PTRH1: variants seen among roughly 807,000 people sequenced by gnomAD.
PTRH1 encodes the protein peptidyl-tRNA hydrolase 1 homolog.
A neutral mutation model predicts 15.7 loss-of-function variants in PTRH1; 13 were observed. That is an observed-to-expected ratio of 0.83 (90% CI 0.54 to 1.31). PTRH1 has a LOEUF of 1.31. Ranked by LOEUF, PTRH1 falls within the 40% of genes most tolerant of loss-of-function variation. The pLI is 0.00. For synonymous variants in PTRH1, 139 were observed against 136.7 expected, an observed-to-expected ratio of 1.02 and a Z score of -0.12; for missense variants, 319 against 296.2, an observed-to-expected ratio of 1.08 and a Z score of -0.56.
chr9:127,707,001 C>G, intron 1 of PTRH1: 1 of 1,610,740 alleles, frequency 6.2e-7, no homozygotes, highest in South Asian at 1.1e-5. Flanking sequence ...TGGCCTCTTC[C>G]TGGGGCCTGG....
At chr9:127,703,481 G>A (rs1842619383) in intron 1 of PTRH1, among the ~76,000 whole-genome samples, 1 of 151,936 alleles carries the variant, frequency 6.6e-6, no homozygotes. Flanking sequence ...AAGAGAGAGA[G>A]GGAAAGAGAG....
At chr9:127,699,114 T>C (rs1842584524) in intron 1 of PTRH1, among the ~76,000 whole-genome samples, 1 of 152,166 alleles carries the variant, frequency 6.6e-6, no homozygotes, top group Admixed American at 6.5e-5. Flanking sequence ...ACTCATGACC[T>C]CAAGTCATCC....
At chr9:127,703,830 C>G (rs1221783355) in intron 1 of PTRH1, among the ~76,000 whole-genome samples, 1 of 152,192 alleles carries the variant, frequency 6.6e-6, no homozygotes, top group Admixed American at 6.5e-5. Context: ...CGGCAGGGCC[C>G]AAGCATTCTC....
intron 2 of PTRH1, among the ~76,000 whole-genome samples, chr9:127,694,270 G>T (rs774996808): frequency 6.6e-6 from 1 of 152,058 alleles, no homozygotes; most frequent in Non-Finnish European, 1.5e-5. Flanking sequence ...CAAACAGAAG[G>T]CTTTGGAACG....
At chr9:127,713,319 G>C (rs1418343359), downstream of PTRH1, 3 of 820,888 alleles carry the variant, frequency 3.7e-6, no homozygotes, top group Non-Finnish European at 5.5e-6. Context: ...AGATCTCTCT[G>C]AGCCTTCCCA....
At chr9:127,700,904 T>G (rs116936963) in intron 1 of PTRH1, among the ~76,000 whole-genome samples, 2,415 of 152,340 alleles carry the variant, frequency 0.016, 29 homozygotes, top group Middle Eastern at 0.041. Flanking sequence ...ATGAACTGGC[T>G]CTGGCCAATT....
At chr9:127,711,617 G>A (rs531846800), downstream of PTRH1, 2 of 1,316,140 alleles carry the variant, frequency 1.5e-6, no homozygotes, top group Admixed American at 2.3e-5. Context: ...GCAGAGAGAG[G>A]ACTGGGCCTC....
Position 127,715,136 on chromosome 9 carries a change from A to G in PTRH1, c.155T>C (p.Val52Ala), listed in dbSNP as rs753301562. The G allele has an allele frequency of 6.5e-7, 1 of 1,537,126 alleles. No homozygotes were observed. Among genetic ancestry groups the G allele is most frequent in the Non-Finnish European group, 8.7e-7 (1 of 1,147,348 alleles). Residue 52 changes from valine to alanine, a missense_variant, in exon 2 of 5, where the codon GTG becomes GCG. Physicochemically the swap from Val to Ala is moderately conservative, Grantham distance 64. Transcript: ENST00000543175. The surrounding 1 kb of genome is among the most constrained non-coding windows in gnomAD (Gnocchi z 5.8). ...PGTRHSVGMA[V>A]LGQLARRLGV... Reference sequence around the variant, plus strand: ...CAGCCGCCGCGCCAGCTGCCCCAGCACCGCCATGCCCACGCTGTGTCGCGT... The same window carrying G: ...CAGCCGCCGCGCCAGCTGCCCCAGCGCCGCCATGCCCACGCTGTGTCGCGT...
At position 127,714,598 on chromosome 9, in the gene PTRH1, C is replaced by T. The variant is rs368797000; in HGVS notation, c.416+5G>A. The T allele has an allele frequency of 4.0e-5, 65 of 1,613,376 alleles. No homozygotes were observed. In the African/African-American group the frequency reaches 7.7e-4, roughly 19 times the overall value. On this transcript the variant is annotated splice_donor_5th_base_variant and intron_variant, in intron 3 of 4. Transcript: ENST00000543175. ...ATCCCAACCCTGACCATCTCAGGAC[C>T]TCACCTGGCACTGCCCCCCAGCTTC... is the stretch of plus-strand genomic sequence containing the variant.
At chr9:127,711,017 T>C (rs1452526743), downstream of PTRH1, among the ~76,000 whole-genome samples, 1 of 152,178 alleles carries the variant, frequency 6.6e-6, no homozygotes. Flanking sequence ...TAAATCATGT[T>C]ACTTAACAGG....
chr9:127,714,262 C>G lies in PTRH1; in HGVS notation c.483G>C (p.Val161=). 2 of 1,613,934 alleles carry G rather than the reference C, an allele frequency of 1.2e-6. No individual in the cohort carries two copies. The highest frequency in any genetic ancestry group is 2.2e-5 in the South Asian group (2 of 91,080). ...LNSNAMPRLR[V]GIGRPAHPEA... is the part of the protein sequence containing the mutation. Reference sequence around the variant, plus strand: ...CAGGGTGCGCCGGGCGCCCGATACCCACCCGCAGCCTTGGCATTGCCTGTG... The same window carrying G: ...CAGGGTGCGCCGGGCGCCCGATACCGACCCGCAGCCTTGGCATTGCCTGTG... The change falls in exon 5 of 5, where the codon GTG becomes GTC. Residue 161 remains valine, a synonymous_variant. Transcript: ENST00000543175.
Position 127,714,293 on chromosome 9 carries a change from G to A in PTRH1, c.463-11C>T, listed in dbSNP as rs369413361. 29 of 1,613,978 alleles carry A rather than the reference G, an allele frequency of 1.8e-5. No individual in the cohort carries two copies. The African/African-American group carries it at 3.2e-4, about 18-fold the overall frequency. On this transcript the variant is annotated splice_polypyrimidine_tract_variant and intron_variant, in intron 4 of 4. Coordinates refer to ENST00000543175, the MANE Select transcript of PTRH1 (RefSeq NM_001002913.3). ...CAGCCTTGGCATTGCCTGTGGGAGA[G>A]CCAGAGAGGCCCAGGAAGCTTTGGC... is the stretch of plus-strand genomic sequence containing the variant.
chr9:127,709,319 T>C, downstream of PTRH1: 1 of 1,239,466 alleles, frequency 8.1e-7, no homozygotes, highest in Non-Finnish European at 1.1e-6. The surrounding 1 kb of genome is among the most constrained non-coding windows in gnomAD (Gnocchi z 4.7). Context: ...GAAACTCAAA[T>C]GCCCCTTTAC....
At chr9:127,694,897 T>C in intron 2 of PTRH1, 1 of 682,984 alleles carries the variant, frequency 1.5e-6, no homozygotes, top group Non-Finnish European at 2.7e-6. Context: ...GCCAGAGTGG[T>C]TAGGAGCACA....
chr9:127,707,325 G>C, intron 1 of PTRH1: 2 of 892,902 alleles, frequency 2.2e-6, no homozygotes, highest in East Asian at 2.7e-5. Context: ...ACCCCATCCC[G>C]ACCCCAGCCT....
chr9:127,704,003 G>T (rs934029027), intron 1 of PTRH1, among the ~76,000 whole-genome samples: 4 of 152,184 alleles, frequency 2.6e-5, no homozygotes, highest in Non-Finnish European at 4.4e-5. Context: ...CTCCCAGGGC[G>T]AAATGAAGAG....
In PTRH1 at chr9:127,705,419, C is replaced by T. The variant is rs1842636794; in HGVS notation, c.205+10016G>A. Reference sequence around the variant, plus strand: ...CTCTCCCTCCACCCTGCAGCGTCCCCTCCCTGCCTAGAAGTTCAGCTCGTC... The same window carrying T: ...CTCTCCCTCCACCCTGCAGCGTCCCTTCCCTGCCTAGAAGTTCAGCTCGTC... On this transcript the variant is annotated intron_variant, in intron 1 of 2. Transcript: ENST00000335223. The surrounding 1 kb of genome is among the most constrained non-coding windows in gnomAD (Gnocchi z 4.7). Among the ~76,000 whole-genome samples, 1 of 152,248 alleles carries T rather than the reference C, an allele frequency of 6.6e-6. No individual in the cohort carries two copies. Among genetic ancestry groups the T allele is most frequent in the African/African-American group, 2.4e-5 (1 of 41,468 alleles).
chr9:127,701,058 C>CA (rs1842599902), intron 1 of PTRH1, among the ~76,000 whole-genome samples: 1 of 152,238 alleles, frequency 6.6e-6, no homozygotes, highest in Admixed American at 6.5e-5. Context: ...ATGCATGTGT[C>CA]AAACCACCTT....
At chr9:127,711,963 C>G (rs1225818199), downstream of PTRH1, 3 of 1,601,772 alleles carry the variant, frequency 1.9e-6, no homozygotes, top group Non-Finnish European at 2.6e-6. Flanking sequence ...GCGTATGGCC[C>G]ACGGAGGGGC....
Sources: gnomAD v4.1 joint callset for allele counts (sites outside exome capture counted in the v4.1 genomes callset) on GRCh38, gnomAD v4.1.1 for gene constraint, Gnocchi (gnomAD v3.1) non-coding constraint, MANE v1.5 for transcripts, NCBI Gene and HGNC (gene_info 2026-07-23, HGNC 2026-07-21) for gene names.